The following GGH variants were observed in gnomAD, a reference collection of about 807,000 sequenced individuals.
GGH encodes the protein gamma-glutamyl hydrolase.
GGH carries 18 observed loss-of-function variants against 39.2 expected under a neutral mutation model. The observed-to-expected ratio is 0.46, with a 90% CI of 0.32 to 0.68. The LOEUF (loss-of-function observed/expected upper bound fraction) is 0.68, where lower values mean the gene tolerates loss of function less well. Among genes scored for constraint, GGH ranks in the 30% least tolerant of loss-of-function variants. The probability of loss-of-function intolerance (pLI) is 0.04; values close to 1 mark genes in which losing one functional copy is unlikely to be tolerated. For missense variants in GGH, 367 were observed against 384.1 expected (o/e 0.96, Z 0.37); for synonymous variants, 147 against 138.8 (o/e 1.06, Z -0.42).
intron 2 of GGH, among the ~76,000 whole-genome samples, chr8:63,034,663 T>A (rs1285924935): frequency 6.6e-6 from 1 of 152,200 alleles, no homozygotes; most frequent in African/African-American, 2.4e-5. Context: ...TTTATTCTTA[T>A]AGGAACATTT....
At chr8:63,018,369 A>T (rs998667350) in intron 7 of GGH, among the ~76,000 whole-genome samples, 17 of 128,800 alleles carry the variant, frequency 1.3e-4, no homozygotes, top group Middle Eastern at 3.8e-3. Context: ...ATTTTGATTT[A>T]AAAAAAACAA....
intron 4 of GGH, 126 bp downstream of exon 4, chr8:63,027,055 A>T: frequency 1.4e-6 from 1 of 689,836 alleles, no homozygotes; most frequent in East Asian, 2.7e-5. Context: ...GGCACCTCAA[A>T]ATTAAAGGTA....
At chr8:63,023,189 C>A (rs949009067) in intron 7 of GGH, among the ~76,000 whole-genome samples, 1 of 152,184 alleles carries the variant, frequency 6.6e-6, no homozygotes, top group Non-Finnish European at 1.5e-5. Context: ...AACAAAATTA[C>A]TTACTTAAGA....
At chr8:63,028,567 C>T (rs1321974983) in intron 3 of GGH, 9 of 152,060 alleles carry the variant, frequency 5.9e-5, no homozygotes, top group African/African-American at 2.2e-4. Flanking sequence ...CTTTTGAAGT[C>T]ACATTAGAAT....
intron 8 of GGH, among the ~76,000 whole-genome samples, chr8:63,016,065 A>G (rs2130949825): frequency 6.6e-6 from 1 of 152,320 alleles, no homozygotes; most frequent in South Asian, 2.1e-4. Flanking sequence ...ATTATGAAAA[A>G]CCAGGAGGCA....
chr8:63,019,495 C>T (rs4404907), intron 7 of GGH, among the ~76,000 whole-genome samples: 18,956 of 152,196 alleles, frequency 0.12, 1,386 homozygotes, highest in East Asian at 0.34. Flanking sequence ...AGATAAAACA[C>T]GGTTTTACCA....
At chr8:63,018,248 T>C (rs1187618470) in intron 7 of GGH, among the ~76,000 whole-genome samples, 1 of 152,294 alleles carries the variant, frequency 6.6e-6, no homozygotes, top group African/African-American at 2.4e-5. Context: ...ACTCTCTCTA[T>C]GTTTACATAC....
In GGH at chr8:63,038,746, A is replaced by G; in HGVS notation, c.23T>C (p.Leu8Pro). 6.3e-7 allele frequency: 1 copy of G among 1,578,226 alleles called. No individual in the cohort carries two copies. The highest frequency in any genetic ancestry group is 8.6e-7 in the Non-Finnish European group (1 of 1,164,692). Reference protein sequence around the residue: MASPGCLLCVLGLLLCGA... With the variant: MASPGCLPCVLGLLLCGA... Reference sequence around the variant, plus strand: ...GCAGAGTAGCAGGCCCAGCACGCACAGCAGGCAGCCCGGACTGGCCATGGC... The same window carrying G: ...GCAGAGTAGCAGGCCCAGCACGCACGGCAGGCAGCCCGGACTGGCCATGGC... The change falls in exon 1 of 9, where the codon CTG (leucine) becomes CCG (proline). Residue 8 changes from leucine (L) to proline (P), a missense_variant. By Grantham distance (98) the Leu-to-Pro change is moderately conservative. Transcript: ENST00000260118.
intron 3 of GGH, 29 bp from the exon 4 acceptor site, chr8:63,027,294 G>A: frequency 7.9e-7 from 1 of 1,267,920 alleles, no homozygotes; most frequent in Non-Finnish European, 1.2e-6. Flanking sequence ...AATCAAATAG[G>A]GTGTATTTTG....
intron 7 of GGH, among the ~76,000 whole-genome samples, chr8:63,021,590 T>G (rs1220316014): frequency 6.6e-6 from 1 of 151,824 alleles, no homozygotes; most frequent in Admixed American, 6.6e-5. Context: ...GAAATTACAC[T>G]GAGCAACTTA....
At chr8:63,024,593 A>G (rs1804650901) in intron 5 of GGH, 1 of 158,580 alleles carries the variant, frequency 6.3e-6, no homozygotes, top group Non-Finnish European at 1.4e-5. Context: ...GGTATCTGGG[A>G]CAAACAAATA....
chr8:63,037,925 T>C (rs181077289), intron 1 of GGH, among the ~76,000 whole-genome samples: 3 of 152,236 alleles, frequency 2.0e-5, no homozygotes, highest in South Asian at 2.1e-4. Context: ...TAGAAAAAAA[T>C]AGTATGAAAG....
chr8:63,016,464 G>A (rs959612272), intron 8 of GGH, among the ~76,000 whole-genome samples: 2 of 152,046 alleles, frequency 1.3e-5, no homozygotes, highest in African/African-American at 4.8e-5. Flanking sequence ...GCTTGGAGAT[G>A]GAATGAAAGC....
rs1804936423 is a variant in GGH at position 63,037,659 on chromosome 8, C to T, written c.109+1001G>A. Among the ~76,000 whole-genome samples, 3 of 152,212 alleles carry T rather than the reference C, an allele frequency of 2.0e-5. No homozygotes were observed. In the East Asian group the frequency reaches 5.8e-4, roughly 29 times the overall value. ...CAAAGTCCCTTTTTTAAATATTTGA[C>T]GCAGGGCTACCCCTGATTCTAGGAA... On this transcript the variant is annotated intron_variant, in intron 1 of 8. Coordinates refer to ENST00000260118, the MANE Select transcript of GGH (RefSeq NM_003878.3).
chr8:63,024,419 A>G lies in GGH; in HGVS notation c.500-233T>C, dbSNP rs578036869. 5.4e-4 allele frequency: 214 copies of G among 398,158 alleles called. 1 individual carries two copies. Among genetic ancestry groups the G allele is most frequent in the Non-Finnish European group, 8.9e-4 (200 of 223,938 alleles). 24.7% of individuals were successfully genotyped at this position (398,158 alleles called of 1,614,324 possible). A position where few individuals can be genotyped will look rare whatever the true frequency, so the allele number is the denominator to read the frequency against. ...ATCTTCTTCTAGAATTTTAACATGA[A>G]TAAGTAAAATTCTTCCGATATGAGT... On this transcript the variant is annotated intron_variant, in intron 5 of 8. Coordinates refer to ENST00000260118, the MANE Select transcript of GGH (RefSeq NM_003878.3).
chr8:63,015,356 A>G lies in GGH; in HGVS notation c.933T>C (p.Phe311=). 7.1e-7 allele frequency: 1 copy of G among 1,401,442 alleles called. No homozygotes were observed. The highest frequency in any genetic ancestry group is 1.0e-6 in the Non-Finnish European group (1 of 1,004,846). 86.8% of individuals were successfully genotyped at this position (1,401,442 alleles called of 1,614,324 possible). ...SPIYTGNISS[F]QQCYIFD is the part of the protein sequence containing the mutation. ...TTCAATCAAATATGTAACATTGCTGAAATGAAGAAATATTTCCAGTATAAA... is the reference window on the plus strand; with the variant it reads ...TTCAATCAAATATGTAACATTGCTGGAATGAAGAAATATTTCCAGTATAAA... Residue 311 remains phenylalanine (F), a synonymous_variant, in exon 9 of 9, where the codon TTT becomes TTC. Coordinates refer to ENST00000260118, the MANE Select transcript of GGH (RefSeq NM_003878.3).
In GGH at chr8:63,034,033, A is replaced by T. The variant is rs924523195; in HGVS notation, c.224+1623T>A. ...CTTATATATATATATAATATATATA[A>T]AAATATATATATATTTTTATATATA... is the stretch of plus-strand genomic sequence containing the variant. On this transcript the variant is annotated intron_variant, in intron 2 of 8. Transcript: ENST00000260118. 5.5e-5 allele frequency among the ~76,000 whole-genome samples: 8 copies of T among 145,842 alleles called. No individual in the cohort carries two copies. The South Asian group carries it at 1.1e-3, about 19-fold the overall frequency.
chr8:63,017,250 T>C, intron 8 of GGH: 1 of 408,324 alleles, frequency 2.4e-6, no homozygotes, highest in South Asian at 5.3e-5. Flanking sequence ...TTCACACTGT[T>C]GTTCAAGAAT....
In GGH at chr8:63,038,701, AGCTCGAGGCTCGCC is replaced by A; in HGVS notation, c.54_67del (p.Ala19ValfsTer2). The A allele has an allele frequency of 6.3e-7, 1 of 1,583,944 alleles. No individual in the cohort carries two copies. Among genetic ancestry groups the A allele is most frequent in the Non-Finnish European group, 8.6e-7 (1 of 1,164,928 alleles). ...GGCGGTGTCGCCGTGGGGTCTAGACAGCTCGAGGCTCGCCGCCCCGCAGAGTAGCAGGCCCAGCA... is the reference window on the plus strand; with the variant it reads ...GGCGGTGTCGCCGTGGGGTCTAGACAGCCCCGCAGAGTAGCAGGCCCAGCA... On this transcript the variant is annotated frameshift_variant, in exon 1 of 9. Transcript: ENST00000260118. LOFTEE classifies it high-confidence loss of function.
Sources: gnomAD v4.1 joint callset for allele counts (sites outside exome capture counted in the v4.1 genomes callset) on GRCh38, gnomAD v4.1.1 for gene constraint, MANE v1.5 for transcripts, NCBI Gene and HGNC (gene_info 2026-07-23, HGNC 2026-07-21) for gene names.